Variants in TRIQK observed in about 807,000 individuals in gnomAD.
The protein encoded by TRIQK is triple QxxK/R motif containing.
A neutral mutation model predicts 10.8 loss-of-function variants in TRIQK; 10 were observed. That is an observed-to-expected ratio of 0.92 (90% CI 0.57 to 1.57). The LOEUF (loss-of-function observed/expected upper bound fraction) is 1.57, where lower values mean the gene tolerates loss of function less well. TRIQK is among the 40% of genes most tolerant of loss of function. TRIQK has a pLI of 0.00. For missense variants in TRIQK, 107 were observed against 97.7 expected (o/e 1.09, Z -0.40); for synonymous variants, 33 against 33.7 (o/e 0.98, Z 0.07).
intron 3 of TRIQK, among the ~76,000 whole-genome samples, chr8:92,897,347 A>G (rs527598495): frequency 1.1e-4 from 17 of 152,206 alleles, no homozygotes; most frequent in Non-Finnish European, 2.4e-4. Flanking sequence ...TTTGAAGGCC[A>G]GGGCTAGAAT....
intron 1 of TRIQK, among the ~76,000 whole-genome samples, chr8:92,961,725 C>A (rs1420796437): frequency 6.6e-6 from 1 of 152,144 alleles, no homozygotes; most frequent in Non-Finnish European, 1.5e-5. Flanking sequence ...GTATGTAAAA[C>A]AAATGTTATT....
intron 1 of TRIQK, among the ~76,000 whole-genome samples, chr8:92,989,316 C>T (rs1416364373): frequency 6.6e-6 from 1 of 152,082 alleles, no homozygotes; most frequent in African/African-American, 2.4e-5. Flanking sequence ...TCCCTCAGGC[C>T]ATGGACTAGT....
chr8:92,928,327 G>T (rs1406091232), intron 2 of TRIQK, among the ~76,000 whole-genome samples: 1 of 152,156 alleles, frequency 6.6e-6, no homozygotes, highest in Non-Finnish European at 1.5e-5. Context: ...ATCCCTCCAG[G>T]AAAGGTCAGC....
chr8:92,978,209 C>T (rs1172946190), intron 1 of TRIQK, among the ~76,000 whole-genome samples: 1 of 152,084 alleles, frequency 6.6e-6, no homozygotes, highest in Non-Finnish European at 1.5e-5. Context: ...ATCTTCTTAA[C>T]TCAGGCACAC....
intron 1 of TRIQK, among the ~76,000 whole-genome samples, chr8:92,985,024 T>A (rs1312359126): frequency 6.6e-6 from 1 of 152,208 alleles, no homozygotes; most frequent in Non-Finnish European, 1.5e-5. Flanking sequence ...GCCTTTGATG[T>A]TTCTAAAGCT....
rs1006474198 is a variant in TRIQK, at chr8:92,884,796, T to C, written c.*1826A>G. On this transcript the variant is annotated 3_prime_UTR_variant, in exon 5 of 5. Coordinates refer to ENST00000521988, the MANE Select transcript of TRIQK (RefSeq NM_001171797.2). ...TTAATACGACTGTTTTAACACCATA[T>C]GGAACGGGAAATAACTAAATGAAAA... is the stretch of plus-strand genomic sequence containing the variant. 2.2e-6 allele frequency: 1 copy of C among 453,728 alleles called. No individual in the cohort carries two copies. The highest frequency in any genetic ancestry group is 4.4e-6 in the Non-Finnish European group (1 of 226,150). 28.1% of individuals were successfully genotyped at this position (453,728 alleles called of 1,614,324 possible).
chr8:92,980,347 T>G lies in TRIQK; in HGVS notation c.-180-25783A>C, dbSNP rs548088787. Among the ~76,000 whole-genome samples, 33 of 152,088 alleles carry G rather than the reference T, an allele frequency of 2.2e-4. 1 individual carries two copies. Among genetic ancestry groups the G allele is most frequent in the Admixed American group, 1.4e-3 (21 of 15,236 alleles). On this transcript the variant is annotated intron_variant, in intron 1 of 4. Coordinates refer to the TRIQK transcript ENST00000520686. ...TAATACTTTATGTTTTTGCATTTAT[T>G]TTATAATTGGCATATGGGGGTGTGT... is the stretch of plus-strand genomic sequence containing the variant.
intron 2 of TRIQK, among the ~76,000 whole-genome samples, chr8:92,927,494 T>G (rs1243408370): frequency 6.6e-6 from 1 of 152,066 alleles, no homozygotes; most frequent in Non-Finnish European, 1.5e-5. Context: ...GGAGTGAAAG[T>G]TATTTTACTA....
chr8:92,930,132 C>G (rs1810635777), intron 2 of TRIQK, among the ~76,000 whole-genome samples: 1 of 151,680 alleles, frequency 6.6e-6, no homozygotes, highest in Admixed American at 6.6e-5. Flanking sequence ...AATCCCAGCA[C>G]TTTGGGAGGC....
chr8:92,942,082 G>A (rs574749775), intron 2 of TRIQK, among the ~76,000 whole-genome samples: 4 of 151,114 alleles, frequency 2.6e-5, no homozygotes, highest in Non-Finnish European at 4.4e-5. Flanking sequence ...CTATGAGGCC[G>A]TAATTACTCT....
At chr8:92,938,161 C>T (rs1030957871) in intron 2 of TRIQK, among the ~76,000 whole-genome samples, 19 of 151,944 alleles carry the variant, frequency 1.3e-4, no homozygotes, top group African/African-American at 4.6e-4. Context: ...ACTATTCTTA[C>T]AGTACTTGAA....
chr8:92,914,405 T>A (rs1809723036), intron 3 of TRIQK, among the ~76,000 whole-genome samples: 1 of 152,178 alleles, frequency 6.6e-6, no homozygotes, highest in South Asian at 2.1e-4. Context: ...ACTAAAAATC[T>A]TCTGCATGGC....
At chr8:92,935,347 T>G (rs1427332621) in intron 2 of TRIQK, among the ~76,000 whole-genome samples, 1 of 151,750 alleles carries the variant, frequency 6.6e-6, no homozygotes, top group Non-Finnish European at 1.5e-5. Flanking sequence ...AAATTATTGC[T>G]AAAATAAAAT....
chr8:92,919,028 A>G (rs1340961821), intron 2 of TRIQK, among the ~76,000 whole-genome samples: 3 of 151,498 alleles, frequency 2.0e-5, no homozygotes, highest in African/African-American at 7.3e-5. Context: ...AAATGAGTAG[A>G]CTCTAAGTGT....
chr8:92,891,956 A>G (rs1816789141), intron 4 of TRIQK, 33 bp downstream of exon 4: 4 of 1,448,116 alleles, frequency 2.8e-6, no homozygotes, highest in African/African-American at 2.8e-5. Flanking sequence ...GCATGCACAT[A>G]TCAAATTTTA....
chr8:92,897,450 T>A (rs1266650042), intron 3 of TRIQK, among the ~76,000 whole-genome samples: 2 of 152,104 alleles, frequency 1.3e-5, no homozygotes, highest in Non-Finnish European at 2.9e-5. Flanking sequence ...AAGAGATTAT[T>A]AGGTCATAAG....
At chr8:92,943,825 C>T (rs1225376108) in intron 2 of TRIQK, among the ~76,000 whole-genome samples, 1 of 151,510 alleles carries the variant, frequency 6.6e-6, no homozygotes, top group Non-Finnish European at 1.5e-5. Context: ...GCAACAAAAG[C>T]AAAAAATAGA....
intron 1 of TRIQK, among the ~76,000 whole-genome samples, chr8:92,960,928 A>G (rs1812429450): frequency 6.6e-6 from 1 of 152,142 alleles, no homozygotes; most frequent in South Asian, 2.1e-4. Context: ...TCATATTTTC[A>G]GTTTCTCATC....
chr8:92,944,440 C>T (rs1023717739), intron 2 of TRIQK, among the ~76,000 whole-genome samples: 4 of 151,944 alleles, frequency 2.6e-5, no homozygotes, highest in Non-Finnish European at 4.4e-5. Context: ...TCACAATAGC[C>T]AAGAGATGAA....
Sources: allele counts gnomAD v4.1 joint callset (sites outside exome capture counted in the v4.1 genomes callset), GRCh38; gene constraint gnomAD v4.1.1; transcripts MANE v1.5; gene names NCBI Gene and HGNC (gene_info 2026-07-23, HGNC 2026-07-21).